The following CHST1 variants were observed in gnomAD, a reference collection of about 807,000 sequenced individuals.
CHST1 encodes the protein Keratan sulfotransferase.
CHST1 carries 10 observed loss-of-function variants against 22.5 expected under a neutral mutation model. The observed-to-expected ratio is 0.44, with a 90% CI of 0.27 to 0.75. The LOEUF is 0.75. Among genes scored for constraint, CHST1 ranks in the 30% least tolerant of loss-of-function variants. The pLI is 0.15. For synonymous variants in CHST1, 267 were observed against 264.5 expected (o/e 1.01, Z -0.09); for missense variants, 439 against 576.1 (o/e 0.76, Z 2.44).
intron 1 of CHST1, among the ~76,000 whole-genome samples, chr11:45,662,022 G>A (rs1852139466): frequency 6.6e-6 from 1 of 152,214 alleles, no homozygotes; most frequent in South Asian, 2.1e-4. Context: ...AGGGCATGCT[G>A]GGAACAATTG....
Position 45,665,179 on chromosome 11 carries a change from T to C in CHST1, c.-228A>G, listed in dbSNP as rs1852183534. 1 of 150,858 alleles carries C rather than the reference T, an allele frequency of 6.6e-6. No homozygotes were observed. The highest frequency in any genetic ancestry group is 2.4e-5 in the African/African-American group (1 of 41,148). The allele number at this position is 150,858 out of a possible 1,614,324, so 9.3% of individuals were successfully genotyped here. On this transcript the variant is annotated splice_region_variant and 5_prime_UTR_variant, in exon 1 of 4. Coordinates refer to ENST00000308064, the MANE Select transcript of CHST1 (RefSeq NM_003654.6). The surrounding 1 kb of genome is among the most constrained non-coding windows in gnomAD (Gnocchi z 4.0). ...GAGCCCGCGGGGCCCGGCCAATACCTGGTCGGGGACGCGCCGGGAGCAGCT... is the reference window on the plus strand; with the variant it reads ...GAGCCCGCGGGGCCCGGCCAATACCCGGTCGGGGACGCGCCGGGAGCAGCT...
chr11:45,653,897 G>A (rs908821897), intron 1 of CHST1, among the ~76,000 whole-genome samples: 12 of 152,106 alleles, frequency 7.9e-5, no homozygotes, highest in East Asian at 1.9e-4. Context: ...TCACAACCCC[G>A]TTTTACAGAT....
chr11:45,659,518 G>C (rs780713607), intron 1 of CHST1, among the ~76,000 whole-genome samples: 3 of 152,166 alleles, frequency 2.0e-5, no homozygotes, highest in Non-Finnish European at 2.9e-5. Context: ...CTTGAGGGCT[G>C]CCAATGCTGC....
At chr11:45,658,443 G>A (rs10734535) in intron 1 of CHST1, among the ~76,000 whole-genome samples, 151,442 of 152,318 alleles carry the variant, frequency 0.99, 75,291 homozygotes, top group Middle Eastern at 1. Context: ...AACAGATGCC[G>A]TAGCCTGCTC....
chr11:45,664,076 C>A (rs1204363056), intron 1 of CHST1, among the ~76,000 whole-genome samples: 1 of 152,150 alleles, frequency 6.6e-6, no homozygotes, highest in Non-Finnish European at 1.5e-5. Flanking sequence ...GACACCTGGC[C>A]CACTCGTTCC....
chr11:45,656,280 A>G (rs1852061440), intron 1 of CHST1, among the ~76,000 whole-genome samples: 1 of 152,090 alleles, frequency 6.6e-6, no homozygotes, highest in Non-Finnish European at 1.5e-5. Flanking sequence ...TAGAAGCTTA[A>G]CCCCTTCATT....
Position 45,650,708 on chromosome 11 carries a change from G to A in CHST1, c.216C>T (p.Gly72=), listed in dbSNP as rs143843687. The A allele has an allele frequency of 4.5e-5, 72 of 1,614,128 alleles. No homozygotes were observed. The highest frequency in any genetic ancestry group is 5.9e-5 in the Non-Finnish European group (70 of 1,179,996). ...TGAAGAGCTGGCCCACGAAGGAGGA[G>A]CCACTGCGCGTGGTGGCCAGGATGA... ...HILILATTRS[G]SSFVGQLFNQ... Residue 72 remains glycine, a synonymous_variant, in exon 4 of 4, where the codon GGC becomes GGT. Coordinates refer to ENST00000308064, the MANE Select transcript of CHST1 (RefSeq NM_003654.6).
chr11:45,663,930 A>C (rs1852165529), intron 1 of CHST1, among the ~76,000 whole-genome samples: 1 of 152,168 alleles, frequency 6.6e-6, no homozygotes. Context: ...GCACTTTGAA[A>C]AAGAAACAGG....
intron 1 of CHST1, among the ~76,000 whole-genome samples, chr11:45,653,485 G>A (rs1852024737): frequency 6.6e-6 from 1 of 151,940 alleles, no homozygotes; most frequent in Non-Finnish European, 1.5e-5. Flanking sequence ...CCATCATGGG[G>A]CTGGGCCAGG....
At chr11:45,664,962 T>C (rs45554232) in intron 1 of CHST1, among the ~76,000 whole-genome samples, 6,811 of 152,176 alleles carry the variant, frequency 0.045, 525 homozygotes, top group African/African-American at 0.16. Context: ...CAGGGAGGGC[T>C]GAGGTGATCG....
In CHST1 at chr11:45,651,169, A is replaced by G. The variant is rs189393334; in HGVS notation, c.-42-204T>C. 1,635 of 415,532 alleles carry G rather than the reference A, an allele frequency of 3.9e-3. 30 individuals carry two copies. Among genetic ancestry groups the G allele is most frequent in the African/African-American group, 0.03 (1,487 of 49,440 alleles). 25.7% of individuals were successfully genotyped at this position (415,532 alleles called of 1,614,324 possible). Reference sequence around the variant, plus strand: ...GGGAGCTTTGGGGAGCTGAACAAACATTCCTTGCACCCCAGGATTTAACCT... The same window carrying G: ...GGGAGCTTTGGGGAGCTGAACAAACGTTCCTTGCACCCCAGGATTTAACCT... On this transcript the variant is annotated intron_variant, in intron 3 of 3. Coordinates refer to ENST00000308064, the MANE Select transcript of CHST1 (RefSeq NM_003654.6).
chr11:45,656,125 C>CCTTG (rs1852058809), intron 1 of CHST1, among the ~76,000 whole-genome samples: 1 of 152,226 alleles, frequency 6.6e-6, no homozygotes, highest in African/African-American at 2.4e-5. Context: ...AGGGCTGAGG[C>CCTTG]CTTGTTTCAC....
At chr11:45,657,105 A>G (rs1257067588) in intron 1 of CHST1, among the ~76,000 whole-genome samples, 1 of 152,140 alleles carries the variant, frequency 6.6e-6, no homozygotes, top group Non-Finnish European at 1.5e-5. Context: ...GGTCCCAAGA[A>G]CTGGAGCAAG....
Position 45,649,832 on chromosome 11 carries a change from G to C in CHST1, c.1092C>G (p.Leu364=), listed in dbSNP as rs1014807759. ...GGGCAAAGGCCACGATGTCGTAGGA[G>C]AGGCGGAAGCGCCACTTCTCGGCCG... ...AATAEKWRFR[L]SYDIVAFAQN... is the part of the protein sequence containing the mutation. Residue 364 remains leucine (L), a synonymous_variant, in exon 4 of 4, where the codon CTC becomes CTG. Coordinates refer to ENST00000308064, the MANE Select transcript of CHST1 (RefSeq NM_003654.6). 5 of 1,611,438 alleles carry C rather than the reference G, an allele frequency of 3.1e-6. No individual in the cohort carries two copies. The highest frequency in any genetic ancestry group is 4.2e-6 in the Non-Finnish European group (5 of 1,179,968).
intron 1 of CHST1, among the ~76,000 whole-genome samples, chr11:45,662,471 G>C (rs534852460): frequency 1.2e-4 from 19 of 152,320 alleles, no homozygotes; most frequent in African/African-American, 4.1e-4. Flanking sequence ...CCAGCGGGGG[G>C]TGTGCCGGGG....
Position 45,650,838 on chromosome 11 carries a change from T to G in CHST1, c.86A>C (p.Lys29Thr). Reference protein sequence around the residue: ...QYTAIRTFTAKSFHTCPGLAE... With the variant: ...QYTAIRTFTATSFHTCPGLAE... The stretch of plus-strand genomic sequence containing the variant: ...CAGCCCGGGGCAGGTGTGAAAGGAC[T>G]TGGCGGTGAAGGTGCGGATGGCCGT... Residue 29 changes from lysine (K) to threonine (T), a missense_variant, in exon 4 of 4, where the codon AAG (lysine) becomes ACG (threonine). Transcript: ENST00000308064. 6.2e-7 allele frequency: 1 copy of G among 1,604,172 alleles called. No individual in the cohort carries two copies. The highest frequency in any genetic ancestry group is 8.5e-7 in the Non-Finnish European group (1 of 1,174,320).
At position 45,650,888 on chromosome 11, in the gene CHST1, G is replaced by A. The variant is rs1197534601; in HGVS notation, c.36C>T (p.Ala12=). 1.9e-6 allele frequency: 3 copies of A among 1,548,694 alleles called. No homozygotes were observed. The African/African-American group carries it at 4.1e-5, about 21-fold the overall frequency. Residue 12 remains alanine (A), a synonymous_variant, in exon 4 of 4, where the codon GCC becomes GCT. Transcript: ENST00000308064. The part of the protein sequence containing the change: ...QCSWKAVLLL[A]LASIAIQYTA... ...TGTACTGGATGGCAATGGAGGCCAG[G>A]GCAAGGAGGAGGACGGCCTTCCAGG...
At chr11:45,653,327 C>T (rs181762461) in intron 1 of CHST1, among the ~76,000 whole-genome samples, 1 of 152,254 alleles carries the variant, frequency 6.6e-6, no homozygotes, top group East Asian at 1.9e-4. Flanking sequence ...CTTTAGGAAT[C>T]AGTACCAGAT....
chr11:45,653,422 C>A (rs1026808637), intron 1 of CHST1, among the ~76,000 whole-genome samples: 3 of 152,194 alleles, frequency 2.0e-5, no homozygotes, highest in Non-Finnish European at 4.4e-5. Context: ...ACAATCCCAA[C>A]CACACTGCAT....
Sources: allele counts gnomAD v4.1 joint callset (sites outside exome capture counted in the v4.1 genomes callset), GRCh38; gene constraint gnomAD v4.1.1; non-coding constraint Gnocchi (gnomAD v3.1); transcripts MANE v1.5; gene names NCBI Gene and HGNC (gene_info 2026-07-23, HGNC 2026-07-21).